The following GFRA1 variants were observed in gnomAD, a reference collection of about 807,000 sequenced individuals.
The protein encoded by GFRA1 is GDNF family receptor alpha-1.
In GFRA1, 16 loss-of-function variants were observed where a neutral mutation model predicts 51.6. The observed-to-expected ratio is 0.31, with a 90% CI of 0.21 to 0.47. GFRA1 has a LOEUF of 0.47. GFRA1 is among the 20% of genes least tolerant of loss of function. The pLI, the probability that GFRA1 is intolerant of heterozygous loss-of-function variation, is 1.00. For missense variants in GFRA1, 530 were observed against 594.3 expected (o/e 0.89, Z 1.13); for synonymous variants, 270 against 241.3 (o/e 1.12, Z -1.10).
At chr10:116,129,408 A>G (rs1332005541) in intron 5 of GFRA1, among the ~76,000 whole-genome samples, 3 of 152,224 alleles carry the variant, frequency 2.0e-5, no homozygotes, top group Non-Finnish European at 4.4e-5. Flanking sequence ...GCACTAACAG[A>G]ATACAGTAGG....
intron 5 of GFRA1, among the ~76,000 whole-genome samples, chr10:116,132,915 C>T (rs1379933307): frequency 1.3e-5 from 2 of 152,150 alleles, no homozygotes; most frequent in African/African-American, 2.4e-5. Context: ...TGGGCACAAG[C>T]GCCTTCTCGC....
chr10:116,235,663 C>T (rs1234657988), intron 4 of GFRA1, among the ~76,000 whole-genome samples: 1 of 152,170 alleles, frequency 6.6e-6, no homozygotes, highest in East Asian at 1.9e-4. Context: ...TGTGTTCCCC[C>T]TTTTAAGTCA....
intron 7 of GFRA1, among the ~76,000 whole-genome samples, chr10:116,095,861 A>G (rs76857657): frequency 0.011 from 1,650 of 152,156 alleles, 16 homozygotes; most frequent in African/African-American, 0.025. Flanking sequence ...ACCCTTCCAC[A>G]GCTTTCACTG....
At chr10:116,176,322 A>G (rs1028241236) in intron 5 of GFRA1, among the ~76,000 whole-genome samples, 1 of 152,290 alleles carries the variant, frequency 6.6e-6, no homozygotes, top group African/African-American at 2.4e-5. Flanking sequence ...ACTTCTTGAC[A>G]TAGTTTGGAC....
chr10:116,205,028 C>T (rs1964621211), intron 5 of GFRA1, among the ~76,000 whole-genome samples: 1 of 152,046 alleles, frequency 6.6e-6, no homozygotes, highest in Non-Finnish European at 1.5e-5. Context: ...TAGAATGTGC[C>T]CTTGATATGA....
chr10:116,148,161 C>T (rs1365506542), intron 5 of GFRA1, among the ~76,000 whole-genome samples: 1 of 148,618 alleles, frequency 6.7e-6, no homozygotes, highest in African/African-American at 2.6e-5. Context: ...AGAATTTTGC[C>T]TTTTGTCTTC....
intron 4 of GFRA1, among the ~76,000 whole-genome samples, chr10:116,267,122 C>A (rs556734087): frequency 1.3e-5 from 2 of 151,790 alleles, no homozygotes; most frequent in African/African-American, 4.8e-5. Context: ...GCCTAGGCGA[C>A]AGATCAAGAC....
intron 4 of GFRA1, among the ~76,000 whole-genome samples, chr10:116,247,714 T>C (rs1047914345): frequency 6.6e-6 from 1 of 152,168 alleles, no homozygotes; most frequent in Admixed American, 6.5e-5. Context: ...CAGAGAAGAC[T>C]TCCTCTATCT....
intron 4 of GFRA1, among the ~76,000 whole-genome samples, chr10:116,218,633 T>C (rs944270631): frequency 6.6e-6 from 1 of 152,112 alleles, no homozygotes; most frequent in Admixed American, 6.5e-5. Flanking sequence ...CAGGCAACCG[T>C]GTAGCCACAC....
intron 5 of GFRA1, among the ~76,000 whole-genome samples, chr10:116,161,803 A>G (rs1959832147): frequency 3.3e-5 from 5 of 152,212 alleles, no homozygotes; most frequent in Admixed American, 3.3e-4. Flanking sequence ...TAAATTACTC[A>G]GTCTTGGCTA....
At chr10:116,119,495 C>T (rs1303411620) in intron 6 of GFRA1, among the ~76,000 whole-genome samples, 1 of 152,158 alleles carries the variant, frequency 6.6e-6, no homozygotes, top group African/African-American at 2.4e-5. Flanking sequence ...CAAAAGTTTG[C>T]ATTGTCTAAT....
At chr10:116,188,710 C>T (rs1354286869) in intron 5 of GFRA1, among the ~76,000 whole-genome samples, 5 of 151,930 alleles carry the variant, frequency 3.3e-5, no homozygotes, top group Non-Finnish European at 5.9e-5. Context: ...TTGAGACCAG[C>T]TTGGCCAACA....
intron 4 of GFRA1, among the ~76,000 whole-genome samples, chr10:116,268,886 G>A (rs944663631): frequency 2.6e-5 from 4 of 152,140 alleles, no homozygotes; most frequent in African/African-American, 9.7e-5. Flanking sequence ...ACTGCAAAGA[G>A]AGAAAAAACA....
At chr10:116,167,463 G>A (rs1332250505) in intron 5 of GFRA1, among the ~76,000 whole-genome samples, 1 of 152,144 alleles carries the variant, frequency 6.6e-6, no homozygotes, top group African/African-American at 2.4e-5. Context: ...TACGGAGGGT[G>A]AAGACTATCT....
At chr10:116,117,734 G>A (rs993530484) in intron 6 of GFRA1, among the ~76,000 whole-genome samples, 3 of 152,170 alleles carry the variant, frequency 2.0e-5, no homozygotes, top group Admixed American at 6.5e-5. Flanking sequence ...ATGATGGACA[G>A]ATGGATGAAT....
intron 5 of GFRA1, among the ~76,000 whole-genome samples, chr10:116,195,824 T>C (rs1305880984): frequency 6.6e-6 from 1 of 152,198 alleles, no homozygotes; most frequent in East Asian, 1.9e-4. Flanking sequence ...CAGTGAAACC[T>C]AAGAACAGAA....
chr10:116,248,743 G>A (rs1286414604), intron 4 of GFRA1, among the ~76,000 whole-genome samples: 2 of 152,206 alleles, frequency 1.3e-5, no homozygotes, highest in Non-Finnish European at 1.5e-5. Context: ...GCTGGCCTAA[G>A]AGCATGGGGT....
chr10:116,255,486 AATC>A (rs1316926016), intron 4 of GFRA1: 2 of 755,370 alleles, frequency 2.6e-6, no homozygotes, highest in Non-Finnish European at 3.5e-6. Context: ...CATTCTTGAG[AATC>A]ATCAGGAAAA....
At chr10:116,234,556 T>G (rs1341899481) in intron 4 of GFRA1, among the ~76,000 whole-genome samples, 1 of 152,258 alleles carries the variant, frequency 6.6e-6, no homozygotes, top group East Asian at 1.9e-4. Flanking sequence ...GGCCCTCTGG[T>G]GGATCACTCC....
Sources: gnomAD v4.1 joint callset for allele counts (sites outside exome capture counted in the v4.1 genomes callset) on GRCh38, gnomAD v4.1.1 for gene constraint, MANE v1.5 for transcripts, NCBI Gene and HGNC (gene_info 2026-07-23, HGNC 2026-07-21) for gene names.